The following SPAG16 variants were observed in gnomAD, a reference collection of about 807,000 sequenced individuals.
SPAG16 encodes the protein sperm associated antigen 16.
Under a neutral mutation model 80.4 loss-of-function variants are expected in SPAG16, and 86 were observed. That is an observed-to-expected ratio of 1.07 (90% CI 0.90 to 1.28). The LOEUF (loss-of-function observed/expected upper bound fraction) is 1.28, where lower values mean the gene tolerates loss of function less well. Ranked by LOEUF, SPAG16 falls within the 50% of genes most tolerant of loss-of-function variation. The pLI, the probability that SPAG16 is intolerant of heterozygous loss-of-function variation, is 0.00. For synonymous variants in SPAG16, 294 were observed against 265.9 expected, an observed-to-expected ratio of 1.11 and a Z score of -1.03; for missense variants, 870 against 765.3, an observed-to-expected ratio of 1.14 and a Z score of -1.61.
intron 15 of SPAG16, among the ~76,000 whole-genome samples, chr2:214,210,344 G>T (rs1242437003): frequency 6.6e-6 from 1 of 151,950 alleles, no homozygotes; most frequent in Non-Finnish European, 1.5e-5. Context: ...AAAAAAACTT[G>T]CAGATGAACC....
intron 13 of SPAG16, among the ~76,000 whole-genome samples, chr2:214,059,226 A>ATATATATATGTATGTG (rs2050122988): frequency 8.6e-6 from 1 of 115,862 alleles, no homozygotes; most frequent in African/African-American, 3.4e-5. Context: ...GTATGTGTAT[A>ATATATATATGTATGTG]TATATATATA....
intron 6 of SPAG16, among the ~76,000 whole-genome samples, chr2:213,342,676 TGCTTTGG>T (rs1384999570): frequency 6.6e-6 from 1 of 152,060 alleles, no homozygotes; most frequent in East Asian, 1.9e-4. Context: ...GGGGAATTTC[TGCTTTGG>T]GCTATGTCAT....
At chr2:214,014,166 T>A in intron 13 of SPAG16, 89 bp downstream of exon 13, 2 of 1,520,290 alleles carry the variant, frequency 1.3e-6, no homozygotes, top group Non-Finnish European at 1.8e-6. Flanking sequence ...ACTTAAAAAG[T>A]GATTGTGCAA....
At chr2:213,391,085 T>C (rs1575461509) in intron 9 of SPAG16, among the ~76,000 whole-genome samples, 2 of 152,236 alleles carry the variant, frequency 1.3e-5, no homozygotes, top group East Asian at 1.9e-4. Context: ...CTGACCAATA[T>C]GGTGAAACCC....
chr2:214,115,591 A>C (rs1169595336), intron 14 of SPAG16, among the ~76,000 whole-genome samples: 1 of 152,154 alleles, frequency 6.6e-6, no homozygotes, highest in Non-Finnish European at 1.5e-5. Flanking sequence ...ATAAAAAGTA[A>C]CCCTCAACTG....
At chr2:213,534,719 C>G (rs1209516562) in intron 10 of SPAG16, among the ~76,000 whole-genome samples, 1 of 151,988 alleles carries the variant, frequency 6.6e-6, no homozygotes, top group Non-Finnish European at 1.5e-5. Context: ...GAATAGTTGC[C>G]TCCATGAAGG....
At chr2:213,678,209 C>G (rs931605485) in intron 10 of SPAG16, among the ~76,000 whole-genome samples, 4 of 152,032 alleles carry the variant, frequency 2.6e-5, no homozygotes, top group African/African-American at 7.2e-5. Context: ...ATTAAAAGAA[C>G]TAGAAAAGCA....
intron 8 of SPAG16, among the ~76,000 whole-genome samples, chr2:213,368,728 A>T (rs970668891): frequency 6.6e-6 from 1 of 152,250 alleles, no homozygotes; most frequent in Non-Finnish European, 1.5e-5. Flanking sequence ...CTCAGGATAC[A>T]AAATCAATGT....
intron 13 of SPAG16, among the ~76,000 whole-genome samples, chr2:214,015,953 T>C (rs1378236484): frequency 6.6e-6 from 1 of 152,140 alleles, no homozygotes; most frequent in African/African-American, 2.4e-5. Context: ...GAGAATGCAT[T>C]AAGCATAGGA....
intron 10 of SPAG16, among the ~76,000 whole-genome samples, chr2:213,679,300 T>C (rs2064261321): frequency 6.6e-6 from 1 of 152,234 alleles, no homozygotes; most frequent in African/African-American, 2.4e-5. Context: ...AAAATTTGCT[T>C]TCTTTCAGAG....
In SPAG16 at chr2:214,192,748, T is replaced by C. The variant is rs536591463; in HGVS notation, c.1720+43482T>C. 6.5e-4 allele frequency among the ~76,000 whole-genome samples: 99 copies of C among 152,182 alleles called. 1 individual carries two copies. The South Asian group carries it at 0.011, about 16-fold the overall frequency. ...GTATCTTCTGGTTAACAGAGACCCA[T>C]GGGTAAGCAAAATACTCTGTTTACA... On this transcript the variant is annotated intron_variant, in intron 15 of 15. Transcript: ENST00000331683.
At chr2:213,436,808 G>T (rs1172831770) in intron 9 of SPAG16, among the ~76,000 whole-genome samples, 1 of 151,420 alleles carries the variant, frequency 6.6e-6, no homozygotes, top group Non-Finnish European at 1.5e-5. Context: ...ATTTGCATTG[G>T]GTGTCACTAG....
At chr2:213,758,268 C>G (rs992631355) in intron 10 of SPAG16, 6 of 152,720 alleles carry the variant, frequency 3.9e-5, no homozygotes, top group African/African-American at 1.4e-4. Flanking sequence ...GAGGGAGAAT[C>G]TAATTTTTAG....
intron 15 of SPAG16, among the ~76,000 whole-genome samples, chr2:214,182,753 G>T (rs934331543): frequency 1.3e-5 from 2 of 151,778 alleles, no homozygotes; most frequent in African/African-American, 4.8e-5. Context: ...CTGTATTTTA[G>T]CAATTGTAAG....
chr2:214,124,984 T>A (rs191753185), intron 14 of SPAG16, among the ~76,000 whole-genome samples: 2 of 151,978 alleles, frequency 1.3e-5, no homozygotes, highest in Non-Finnish European at 2.9e-5. Context: ...CTAGATTGCA[T>A]TCAGAAACCT....
In SPAG16 at chr2:213,862,568, A is replaced by T; in HGVS notation, c.1154A>T (p.Asn385Ile). 1.2e-6 allele frequency: 2 copies of T among 1,614,124 alleles called. No individual in the cohort carries two copies. Among genetic ancestry groups the T allele is most frequent in the Non-Finnish European group, 1.7e-6 (2 of 1,179,998 alleles). ...LWKVLGLPKC[N>I]VLLTGFGHTD... is the part of the protein sequence containing the mutation. ...AAGGTGTTGGGCCTTCCAAAATGCA[A>T]TGTGCTTCTCACGGGATTTGGCCAC... The change falls in exon 11 of 16, where the codon AAT (asparagine) becomes ATT (isoleucine). Residue 385 changes from asparagine to isoleucine, a missense_variant. Physicochemically the swap from Asn to Ile is moderately radical, Grantham distance 149. Transcript: ENST00000331683.
chr2:213,302,119 G>A (rs190894430), intron 3 of SPAG16, among the ~76,000 whole-genome samples: 10 of 152,264 alleles, frequency 6.6e-5, no homozygotes, highest in Admixed American at 5.2e-4. Context: ...CTATGTGCTA[G>A]AGCTACCATT....
intron 9 of SPAG16, among the ~76,000 whole-genome samples, chr2:213,405,171 G>A (rs2068545872): frequency 6.6e-6 from 1 of 152,110 alleles, no homozygotes; most frequent in African/African-American, 2.4e-5. Context: ...TTTTGTAGTG[G>A]GAGAATCCTT....
chr2:214,301,064 AAT>A (rs1694516644), intron 15 of SPAG16, among the ~76,000 whole-genome samples: 1 of 145,282 alleles, frequency 6.9e-6, no homozygotes, highest in African/African-American at 2.6e-5. Context: ...TAATAATAAT[AAT>A]AAAAGTTAGC....
Sources: gnomAD v4.1 joint callset for allele counts (sites outside exome capture counted in the v4.1 genomes callset) on GRCh38, gnomAD v4.1.1 for gene constraint, MANE v1.5 for transcripts, NCBI Gene and HGNC (gene_info 2026-07-23, HGNC 2026-07-21) for gene names.